The following BCKDHB variants were observed in gnomAD, a reference collection of about 807,000 sequenced individuals.
The protein encoded by BCKDHB is branched chain keto acid dehydrogenase E1 subunit beta, also known as 2-oxoisovalerate dehydrogenase subunit beta, mitochondrial.
Under a neutral mutation model 48.5 loss-of-function variants are expected in BCKDHB, and 41 were observed. The observed-to-expected ratio is 0.85, with a 90% confidence interval of 0.66 to 1.10. The LOEUF (loss-of-function observed/expected upper bound fraction) is 1.10, where lower values mean the gene tolerates loss of function less well. Among genes scored for constraint, BCKDHB ranks in the 50% least tolerant of loss-of-function variants. The pLI, the probability that BCKDHB is intolerant of heterozygous loss-of-function variation, is 0.00. For missense variants in BCKDHB, 496 were observed against 494.2 expected, an observed-to-expected ratio of 1.00 and a Z score of -0.03; for synonymous variants, 201 against 174.8, an observed-to-expected ratio of 1.15 and a Z score of -1.18.
At chr6:80,355,649 T>C in the BCKDHB span, 1 of 141,920 alleles carries the variant, frequency 7.0e-6, no homozygotes, top group Non-Finnish European at 1.5e-5. Flanking sequence ...ACAAATAGTA[T>C]TTTTTTAAAA....
At chr6:80,219,288 C>A (rs1273486850) in intron 8 of BCKDHB, among the ~76,000 whole-genome samples, 1 of 151,678 alleles carries the variant, frequency 6.6e-6, no homozygotes, top group African/African-American at 2.4e-5. Flanking sequence ...CTCACTGCAA[C>A]CTCTGCCTCC....
At chr6:80,149,313 G>A (rs1771643421) in intron 3 of BCKDHB, among the ~76,000 whole-genome samples, 2 of 152,112 alleles carry the variant, frequency 1.3e-5, no homozygotes, top group South Asian at 4.1e-4. Context: ...TAAAAAGTCA[G>A]GAAACAACAG....
chr6:80,283,983 A>G (rs1039520568), intron 9 of BCKDHB, among the ~76,000 whole-genome samples: 1 of 152,154 alleles, frequency 6.6e-6, no homozygotes, highest in Non-Finnish European at 1.5e-5. Flanking sequence ...TTTTGTCAGC[A>G]TTGTATTCAC....
At chr6:80,113,311 A>C (rs540340103) in intron 1 of BCKDHB, among the ~76,000 whole-genome samples, 1 of 152,342 alleles carries the variant, frequency 6.6e-6, no homozygotes, top group East Asian at 1.9e-4. Context: ...AACACTGGAA[A>C]GTGGCCCTGG....
At chr6:80,336,089 GT>G (rs1467842827) in intron 9 of BCKDHB, among the ~76,000 whole-genome samples, 2 of 151,836 alleles carry the variant, frequency 1.3e-5, no homozygotes, top group African/African-American at 4.8e-5. Flanking sequence ...TAAAGCTATA[GT>G]TTTGAGAAAA....
intron 6 of BCKDHB, among the ~76,000 whole-genome samples, chr6:80,193,947 T>C (rs1240784342): frequency 6.6e-6 from 1 of 152,172 alleles, no homozygotes; most frequent in Non-Finnish European, 1.5e-5. Context: ...AGGTCATAAA[T>C]AGAATACCAA....
At chr6:80,334,934 A>G (rs940927709) in intron 9 of BCKDHB, among the ~76,000 whole-genome samples, 1 of 151,876 alleles carries the variant, frequency 6.6e-6, no homozygotes, top group Admixed American at 6.6e-5. Flanking sequence ...TAATCCTTTC[A>G]AAAACTGTCT....
chr6:80,422,063 A>G, the BCKDHB span, among the ~76,000 whole-genome samples: 1 of 152,154 alleles, frequency 6.6e-6, no homozygotes, highest in Non-Finnish European at 1.5e-5. Context: ...CTCCCATCAC[A>G]GGTCTAGAAG....
At chr6:80,306,982 C>G (rs1767912431) in intron 9 of BCKDHB, among the ~76,000 whole-genome samples, 1 of 152,160 alleles carries the variant, frequency 6.6e-6, no homozygotes, top group South Asian at 2.1e-4. Context: ...ATTCATTGGA[C>G]CAACCTCCAG....
At chr6:80,109,017 C>G (rs772011086) in intron 1 of BCKDHB, among the ~76,000 whole-genome samples, 24 of 152,150 alleles carry the variant, frequency 1.6e-4, no homozygotes, top group Non-Finnish European at 2.6e-4. Context: ...GAAGAATTAT[C>G]CTACAATTCA....
the BCKDHB span, among the ~76,000 whole-genome samples, chr6:80,389,047 A>T: frequency 2.0e-5 from 3 of 152,152 alleles, no homozygotes. Context: ...TGGGGAAGAG[A>T]TATGTGGATG....
At chr6:80,224,400 C>CT (rs113578748) in intron 8 of BCKDHB, among the ~76,000 whole-genome samples, 10,916 of 148,558 alleles carry the variant, frequency 0.073, 463 homozygotes, top group South Asian at 0.1. Context: ...TTTTTCTTTC[C>CT]TTTTTTTTTT....
At chr6:80,430,889 C>G in the BCKDHB span, among the ~76,000 whole-genome samples, 17 of 152,166 alleles carry the variant, frequency 1.1e-4, no homozygotes, top group Middle Eastern at 3.4e-3. Context: ...TCTTGCTCTG[C>G]TAGTTCTTTC....
intron 7 of BCKDHB, 31 bp downstream of exon 7, chr6:80,201,062 C>T (rs1774372394): frequency 7.3e-6 from 11 of 1,510,998 alleles, no homozygotes; most frequent in Non-Finnish European, 1.0e-5. Context: ...CTGTTAAAAC[C>T]TACGTTGTGC....
the BCKDHB span, among the ~76,000 whole-genome samples, chr6:80,414,152 G>T: frequency 1.1e-4 from 17 of 151,702 alleles, no homozygotes; most frequent in South Asian, 2.1e-4. Flanking sequence ...GGGGTTATTT[G>T]TTTTTTCTTG....
At chr6:80,215,356 T>G (rs1476462492) in intron 8 of BCKDHB, among the ~76,000 whole-genome samples, 1 of 152,232 alleles carries the variant, frequency 6.6e-6, no homozygotes, top group Non-Finnish European at 1.5e-5. Flanking sequence ...GTTGTTGTAC[T>G]AATTGGAACA....
chr6:80,437,802 T>A, the BCKDHB span, among the ~76,000 whole-genome samples: 1 of 152,196 alleles, frequency 6.6e-6, no homozygotes, highest in Non-Finnish European at 1.5e-5. Context: ...TTGTGGTTCT[T>A]AATGTTATGC....
chr6:80,218,138 C>A (rs1562146168), intron 8 of BCKDHB, among the ~76,000 whole-genome samples: 1 of 152,268 alleles, frequency 6.6e-6, no homozygotes, highest in Non-Finnish European at 1.5e-5. Context: ...GTTGCCGCCA[C>A]TTCTCACTGG....
rs75934920 is a variant in BCKDHB at position 80,201,831 on chromosome 6, G to A, written c.840+800G>A. Among the ~76,000 whole-genome samples, 768 of 152,080 alleles carry A rather than the reference G, an allele frequency of 5.0e-3. 7 individuals are homozygous for A. The highest frequency in any genetic ancestry group is 0.018 in the African/African-American group (742 of 41,464). ...AGATATGGTCAGTTTTAATTTTTCT[G>A]TATAAAGGAAATCCTTATTTTAGGA... On this transcript the variant is annotated intron_variant, in intron 7 of 9. Transcript: ENST00000320393.
Sources: allele counts gnomAD v4.1 joint callset (sites outside exome capture counted in the v4.1 genomes callset), GRCh38; gene constraint gnomAD v4.1.1; transcripts MANE v1.5; gene names NCBI Gene and HGNC (gene_info 2026-07-23, HGNC 2026-07-21).